Variants in SMC5 observed in about 807,000 individuals in gnomAD.
SMC5 encodes the protein structural maintenance of chromosomes 5, also known as structural maintenance of chromosomes protein 5.
In SMC5, 88 loss-of-function variants were observed where a neutral mutation model predicts 148.3. The observed-to-expected ratio is 0.59, with a 90% CI of 0.50 to 0.71. The LOEUF (loss-of-function observed/expected upper bound fraction) is 0.71, where lower values mean the gene tolerates loss of function less well. Ranked by LOEUF, SMC5 falls within the 30% of genes least tolerant of loss-of-function variation. The pLI is 0.00. For synonymous variants in SMC5, 421 were observed against 432.8 expected (o/e 0.97, Z 0.34); for missense variants, 1,142 against 1,298.9 (o/e 0.88, Z 1.86).
At chr9:70,334,942 A>G (rs1192868384) in intron 17 of SMC5, among the ~76,000 whole-genome samples, 1 of 152,210 alleles carries the variant, frequency 6.6e-6, no homozygotes, top group Admixed American at 6.5e-5. Context: ...GGAAGTTTAT[A>G]TTAAAGGCAT....
At position 70,346,633 on chromosome 9, in the gene SMC5, ACTC is replaced by A. The variant is rs1199537290; in HGVS notation, c.2556_2558del (p.Ser853del). ...GTACCCACCATTCCAAATGGACACA[ACTC>A]CTCACTCCCCATGGTATGCAGTACT... On this transcript the variant is annotated inframe_deletion, in exon 19 of 25. Coordinates refer to ENST00000361138, the MANE Select transcript of SMC5 (RefSeq NM_015110.4). 2 of 1,613,046 alleles carry A rather than the reference ACTC, an allele frequency of 1.2e-6. No individual in the cohort carries two copies. Among genetic ancestry groups the A allele is most frequent in the East Asian group, 2.2e-5 (1 of 44,814 alleles).
At chr9:70,312,877 A>T (rs971209375) in intron 11 of SMC5, among the ~76,000 whole-genome samples, 1 of 152,150 alleles carries the variant, frequency 6.6e-6, no homozygotes, top group Non-Finnish European at 1.5e-5. Context: ...ATATTGGTTT[A>T]TAGACTTCTT....
chr9:70,347,729 G>T lies in SMC5; in HGVS notation c.2769+12G>T. The T allele has an allele frequency of 6.8e-7, 1 of 1,475,988 alleles. No individual in the cohort carries two copies. The highest frequency in any genetic ancestry group is 9.2e-7 in the Non-Finnish European group (1 of 1,087,114). The allele number at this position is 1,475,988 out of a possible 1,614,324, so 91.4% of individuals were successfully genotyped here. Reference sequence around the variant, plus strand: ...AAAACATTTCACAGGTAATTTTTTAGTTTTTAATCTTTTTATCATGTGATT... The same window carrying T: ...AAAACATTTCACAGGTAATTTTTTATTTTTTAATCTTTTTATCATGTGATT... On this transcript the variant is annotated intron_variant, in intron 21 of 24. Coordinates refer to ENST00000361138, the MANE Select transcript of SMC5 (RefSeq NM_015110.4).
intron 5 of SMC5, 140 bp from the exon 6 acceptor site, chr9:70,280,619 C>T (rs2034721604): frequency 2.8e-6 from 2 of 709,732 alleles, no homozygotes; most frequent in East Asian, 5.5e-5. Flanking sequence ...GTTGCCTAGG[C>T]TGGAGTCTAC....
intron 13 of SMC5, 84 bp downstream of exon 13, chr9:70,315,662 G>A (rs2035782092): frequency 1.8e-5 from 21 of 1,148,708 alleles, no homozygotes; most frequent in East Asian, 2.8e-5. Context: ...CAAGCAAAAC[G>A]TGTCAGAATT....
chr9:70,288,630 C>G (rs1474106657), intron 8 of SMC5, among the ~76,000 whole-genome samples: 1 of 152,040 alleles, frequency 6.6e-6, no homozygotes, highest in Non-Finnish European at 1.5e-5. Context: ...GGCTACATCT[C>G]ACGTGTGTTG....
chr9:70,296,236 G>T (rs1587656072), intron 8 of SMC5, among the ~76,000 whole-genome samples: 2 of 152,190 alleles, frequency 1.3e-5, no homozygotes, highest in East Asian at 3.9e-4. Context: ...ATGAGAAACT[G>T]CTCTCAATGC....
intron 17 of SMC5, among the ~76,000 whole-genome samples, chr9:70,339,467 T>C (rs1202293810): frequency 6.6e-6 from 1 of 152,094 alleles, no homozygotes; most frequent in East Asian, 1.9e-4. Context: ...TGACTAAAAT[T>C]ATGTAGTAGA....
chr9:70,295,247 C>T (rs890871042), intron 8 of SMC5, among the ~76,000 whole-genome samples: 8 of 151,686 alleles, frequency 5.3e-5, no homozygotes, highest in Admixed American at 1.3e-4. Context: ...GGGCGGATCA[C>T]GAGGTCAGGA....
chr9:70,296,846 T>G (rs973327872), intron 8 of SMC5, among the ~76,000 whole-genome samples: 3 of 152,234 alleles, frequency 2.0e-5, no homozygotes, highest in African/African-American at 7.2e-5. Flanking sequence ...GACCATAGTT[T>G]TGATAAAAAT....
In SMC5 at chr9:70,273,668, G is replaced by A. The variant is rs561561323; in HGVS notation, c.381-3642G>A. On this transcript the variant is annotated intron_variant, in intron 3 of 24. Coordinates refer to ENST00000361138, the MANE Select transcript of SMC5 (RefSeq NM_015110.4). ...AGTATATAGTATTTACTGTTTTTCA[G>A]TTCTGAATATTTTCTTTATGAGTTC... Among the ~76,000 whole-genome samples, 56 of 152,016 alleles carry A rather than the reference G, an allele frequency of 3.7e-4. 1 individual carries two copies. In the South Asian group the frequency reaches 0.011, roughly 31 times the overall value.
chr9:70,291,229 T>C (rs2035052232), intron 8 of SMC5, among the ~76,000 whole-genome samples: 1 of 152,238 alleles, frequency 6.6e-6, no homozygotes, highest in Non-Finnish European at 1.5e-5. Flanking sequence ...TTTCCTAAAA[T>C]GCCTGTAACC....
intron 7 of SMC5, among the ~76,000 whole-genome samples, chr9:70,282,791 A>G (rs1189629501): frequency 6.6e-6 from 1 of 152,178 alleles, no homozygotes; most frequent in Non-Finnish European, 1.5e-5. Context: ...TCCAAGATAT[A>G]AAGAGAGAAA....
chr9:70,349,890 A>G (rs2036761745), intron 22 of SMC5, among the ~76,000 whole-genome samples: 1 of 152,222 alleles, frequency 6.6e-6, no homozygotes, highest in Admixed American at 6.5e-5. Context: ...TAATTTCCTT[A>G]TCTAAATAGT....
At position 70,346,779 on chromosome 9, in the gene SMC5, A is replaced by G. The variant is rs958671806; in HGVS notation, c.2568+130A>G. 8 of 919,858 alleles carry G rather than the reference A, an allele frequency of 8.7e-6. No homozygotes were observed. In the African/African-American group the frequency reaches 1.3e-4, roughly 15 times the overall value. The allele number at this position is 919,858 out of a possible 1,614,324, so 57.0% of individuals were successfully genotyped here. A position where few individuals can be genotyped will look rare whatever the true frequency, so the allele number is the denominator to read the frequency against. On this transcript the variant is annotated intron_variant, in intron 19 of 24. Coordinates refer to ENST00000361138, the MANE Select transcript of SMC5 (RefSeq NM_015110.4). ...TTCTCTTAACTCTCCTGTAGCATGA[A>G]CTGATACTTCTTTTCTCTAAATTCC...
At chr9:70,290,858 A>C (rs2035038429) in intron 8 of SMC5, among the ~76,000 whole-genome samples, 1 of 152,210 alleles carries the variant, frequency 6.6e-6, no homozygotes, top group Non-Finnish European at 1.5e-5. Flanking sequence ...AAGTATTCTC[A>C]GGGCAAACAG....
intron 5 of SMC5, 109 bp downstream of exon 5, chr9:70,278,734 A>AT (rs974513793): frequency 4.4e-5 from 49 of 1,113,644 alleles, no homozygotes; most frequent in African/African-American, 1.4e-4. Context: ...CGTATTTGTG[A>AT]TTTTTTTTCA....
At chr9:70,306,387 G>A (rs1019569940) in intron 11 of SMC5, among the ~76,000 whole-genome samples, 1 of 152,112 alleles carries the variant, frequency 6.6e-6, no homozygotes, top group African/African-American at 2.4e-5. Context: ...CCTACTTCTG[G>A]TTTGGGAGTT....
chr9:70,336,495 A>G (rs1012227222), intron 17 of SMC5, among the ~76,000 whole-genome samples: 1 of 152,234 alleles, frequency 6.6e-6, no homozygotes, highest in Non-Finnish European at 1.5e-5. Flanking sequence ...GGCAGAATGA[A>G]TAGCAATAGT....
Sources: gnomAD v4.1 joint callset for allele counts (sites outside exome capture counted in the v4.1 genomes callset) on GRCh38, gnomAD v4.1.1 for gene constraint, MANE v1.5 for transcripts, NCBI Gene and HGNC (gene_info 2026-07-23, HGNC 2026-07-21) for gene names.